The following NRK variants were observed in gnomAD, a reference collection of about 807,000 sequenced individuals.
The protein encoded by NRK is nik-related protein kinase.
In NRK, 67 loss-of-function variants were observed where a neutral mutation model predicts 125.2. The ratio of observed to expected loss-of-function variants is 0.54; its 90% CI spans 0.44 to 0.66. The LOEUF is 0.66. Among genes scored for constraint, NRK ranks in the 30% least tolerant of loss-of-function variants. NRK has a pLI of 0.00. For missense variants in NRK, 1,224 were observed against 1,192.9 expected, an observed-to-expected ratio of 1.03 and a Z score of -0.38; for synonymous variants, 458 against 429.0, an observed-to-expected ratio of 1.07 and a Z score of -0.84.
intron 2 of NRK, among the ~76,000 whole-genome samples, 198 bp downstream of exon 2, chrX:105,831,317 C>A (rs913288760): frequency 9.0e-6 from 1 of 111,605 alleles, no homozygotes; most frequent in Non-Finnish European, 1.9e-5. Flanking sequence ...CTATAGTGTA[C>A]CAACCAACCA....
At chrX:105,931,423 A>G (rs1414813741) in intron 19 of NRK, among the ~76,000 whole-genome samples, 3 of 111,875 alleles carry the variant, frequency 2.7e-5, no homozygotes, top group Non-Finnish European at 5.6e-5. Flanking sequence ...CATGAATTTC[A>G]GGCACCTTCC....
intron 2 of NRK, among the ~76,000 whole-genome samples, chrX:105,857,790 G>C (rs1306841953): frequency 8.9e-6 from 1 of 111,891 alleles, no homozygotes; most frequent in African/African-American, 3.2e-5. Flanking sequence ...CAAATCTTCT[G>C]TGTCTATAAT....
intron 21 of NRK, among the ~76,000 whole-genome samples, chrX:105,936,970 A>AT (rs1569317661): frequency 9.0e-6 from 1 of 111,160 alleles, no homozygotes; most frequent in African/African-American, 3.3e-5. Flanking sequence ...AATGAGCTGA[A>AT]TTGAACTCTT....
intron 15 of NRK, among the ~76,000 whole-genome samples, chrX:105,916,251 T>C (rs2040364044): frequency 9.0e-6 from 1 of 110,936 alleles, no homozygotes; most frequent in African/African-American, 3.3e-5. Flanking sequence ...AACTCAATAT[T>C]ATATAAATAA....
chrX:105,908,548 T>C (rs1330171455), intron 12 of NRK, among the ~76,000 whole-genome samples, 179 bp from the exon 13 acceptor site: 1 of 112,421 alleles, frequency 8.9e-6, no homozygotes, highest in Non-Finnish European at 1.9e-5. Flanking sequence ...AATACATTAG[T>C]AATACAAATG....
At chrX:105,888,450 A>G (rs373238342) in intron 5 of NRK, 31 bp downstream of exon 5, 5 of 1,115,195 alleles carry the variant, frequency 4.5e-6, no homozygotes, top group Non-Finnish European at 6.0e-6. Context: ...TTCTTATTCT[A>G]TAAGAATAAG....
At chrX:105,936,495 A>G (rs1384953985) in intron 21 of NRK, among the ~76,000 whole-genome samples, 2 of 112,089 alleles carry the variant, frequency 1.8e-5, no homozygotes, top group Non-Finnish European at 3.8e-5. Context: ...TAAACATGCC[A>G]TTGGCCATGA....
At chrX:105,852,141 G>A (rs1293263502) in intron 2 of NRK, among the ~76,000 whole-genome samples, 1 of 111,591 alleles carries the variant, frequency 9.0e-6, no homozygotes, top group Admixed American at 9.6e-5. Flanking sequence ...CCAGAGTTGT[G>A]GAGCCTTCTA....
rs185406810 is a variant in NRK at position 105,947,061 on chromosome X, A to G, written c.4353+597A>G. On this transcript the variant is annotated intron_variant, in intron 26 of 28. Coordinates refer to ENST00000243300, the MANE Select transcript of NRK (RefSeq NM_198465.4). ...AACAGTGACATAACAGCAAATTATC[A>G]TAAAATGTTCTCTTATCTGGTTAAT... is the stretch of plus-strand genomic sequence containing the variant. Among the ~76,000 whole-genome samples the G allele has an allele frequency of 5.1e-3, 576 of 112,029 alleles. 4 individuals carry two copies. The highest frequency in any genetic ancestry group is 0.018 in the African/African-American group (552 of 30,888).
intron 21 of NRK, among the ~76,000 whole-genome samples, chrX:105,935,617 C>G (rs2040653655): frequency 9.2e-6 from 1 of 108,230 alleles, no homozygotes; most frequent in African/African-American, 3.4e-5. Flanking sequence ...CATAGTGAAA[C>G]TTTGTACTAA....
At chrX:105,935,765 C>T (rs937987291) in intron 21 of NRK, among the ~76,000 whole-genome samples, 6 of 105,882 alleles carry the variant, frequency 5.7e-5, no homozygotes, top group Non-Finnish European at 1.2e-4. Context: ...CACTTCAGCC[C>T]GGGCGACAGT....
intron 2 of NRK, among the ~76,000 whole-genome samples, chrX:105,842,767 G>A (rs1294016364): frequency 9.0e-6 from 1 of 111,164 alleles, no homozygotes; most frequent in Non-Finnish European, 1.9e-5. Flanking sequence ...TAAGCAGGTG[G>A]ATGGAAACAG....
At chrX:105,860,718 C>G (rs1339431354) in intron 2 of NRK, among the ~76,000 whole-genome samples, 1 of 110,156 alleles carries the variant, frequency 9.1e-6, no homozygotes, top group East Asian at 2.9e-4. Context: ...ATTGCCATTA[C>G]TTTTATTGGC....
At chrX:105,864,358 C>G (rs968586303) in intron 2 of NRK, among the ~76,000 whole-genome samples, 3 of 111,291 alleles carry the variant, frequency 2.7e-5, no homozygotes, top group Non-Finnish European at 3.8e-5. Flanking sequence ...TGGACTCACT[C>G]TATTTATTAG....
intron 2 of NRK, among the ~76,000 whole-genome samples, chrX:105,831,578 AATTT>A (rs2039193739): frequency 8.9e-6 from 1 of 112,267 alleles, no homozygotes; most frequent in African/African-American, 3.2e-5. Context: ...AAAAAATCTG[AATTT>A]ATTTAGTGAT....
At chrX:105,876,535 C>T (rs960436593) in intron 2 of NRK, among the ~76,000 whole-genome samples, 1 of 110,971 alleles carries the variant, frequency 9.0e-6, no homozygotes, top group African/African-American at 3.3e-5. Flanking sequence ...CCCAAAAAAT[C>T]CACATTTATA....
At chrX:105,848,974 G>A (rs1186434586) in intron 2 of NRK, among the ~76,000 whole-genome samples, 1 of 112,075 alleles carries the variant, frequency 8.9e-6, no homozygotes, top group East Asian at 2.8e-4. Context: ...ACATTTGAAA[G>A]CACTGAATCA....
At chrX:105,891,762 TCAC>T (rs759523656) in intron 5 of NRK, among the ~76,000 whole-genome samples, 1 of 111,775 alleles carries the variant, frequency 8.9e-6, no homozygotes, top group African/African-American at 3.2e-5. Context: ...GCTGGACTGA[TCAC>T]CACACTTTGA....
intron 9 of NRK, among the ~76,000 whole-genome samples, chrX:105,904,407 G>A (rs1365348418): frequency 8.9e-6 from 1 of 111,894 alleles, no homozygotes; most frequent in Non-Finnish European, 1.9e-5. Context: ...TGAATGTCCA[G>A]TAATTTGGCA....
Sources: allele counts gnomAD v4.1 joint callset (sites outside exome capture counted in the v4.1 genomes callset), GRCh38; gene constraint gnomAD v4.1.1; transcripts MANE v1.5; gene names NCBI Gene and HGNC (gene_info 2026-07-23, HGNC 2026-07-21).